The following PKD1L3 variants were observed in gnomAD, a reference collection of about 807,000 sequenced individuals.
PKD1L3 encodes polycystin 1 like 3, transient receptor potential channel interacting, also known as polycystin-1-like protein 3.
In PKD1L3, 239 loss-of-function variants were observed where a neutral mutation model predicts 184.1. That is an observed-to-expected ratio of 1.30 (90% confidence interval 1.17 to 1.45). The LOEUF (loss-of-function observed/expected upper bound fraction) is 1.45, where lower values mean the gene tolerates loss of function less well. PKD1L3 is among the 40% of genes most tolerant of loss of function. The probability of loss-of-function intolerance (pLI) is 0.00; values close to 1 mark genes in which losing one functional copy is unlikely to be tolerated. For synonymous variants in PKD1L3, 996 were observed against 778.8 expected, an observed-to-expected ratio of 1.28 and a Z score of -4.64; for missense variants, 2,660 against 2,067.2, an observed-to-expected ratio of 1.29 and a Z score of -5.56.
chr16:71,993,130 T>G, intron 3 of PKD1L3, 86 bp downstream of exon 3: 1 of 946,716 alleles, frequency 1.1e-6, no homozygotes, highest in Non-Finnish European at 1.6e-6. Context: ...TTATAACACA[T>G]TTCAGCATTA....
chr16:71,960,251 C>A (rs932953520), intron 16 of PKD1L3, among the ~76,000 whole-genome samples: 26 of 149,700 alleles, frequency 1.7e-4, no homozygotes, highest in Non-Finnish European at 4.4e-5. Flanking sequence ...TGGATTATAA[C>A]AAATAATGCA....
intron 4 of PKD1L3, among the ~76,000 whole-genome samples, chr16:71,987,107 T>C (rs1187843311): frequency 1.3e-5 from 2 of 150,748 alleles, no homozygotes; most frequent in East Asian, 3.9e-4. Flanking sequence ...GTATTTTTAG[T>C]AGAGATGGGG....
intron 24 of PKD1L3, among the ~76,000 whole-genome samples, chr16:71,937,985 G>A (rs780489670): frequency 1.2e-4 from 19 of 152,188 alleles, no homozygotes; most frequent in Non-Finnish European, 1.9e-4. Context: ...AGGCATGGCC[G>A]GGGCTTTGTG....
At chr16:71,991,791 G>C (rs1364981728) in intron 3 of PKD1L3, among the ~76,000 whole-genome samples, 1 of 152,118 alleles carries the variant, frequency 6.6e-6, no homozygotes, top group African/African-American at 2.4e-5. Flanking sequence ...AAGTAACCTA[G>C]ATACACACTG....
In PKD1L3 at chr16:71,965,984, C is replaced by T. The variant is rs562194822; in HGVS notation, c.2465+1153G>A. Among the ~76,000 whole-genome samples the T allele has an allele frequency of 3.3e-5, 5 of 151,972 alleles. No homozygotes were observed. In the East Asian group the frequency reaches 7.7e-4, roughly 23 times the overall value. On this transcript the variant is annotated intron_variant, in intron 15 of 29. Coordinates refer to ENST00000620267, the MANE Select transcript of PKD1L3 (RefSeq NM_181536.2). Reference sequence around the variant, plus strand: ...ACATTATTCACTTTTTTAAATAAAACTGGAAGGATGGTTTACAAGCTGATT... The same window carrying T: ...ACATTATTCACTTTTTTAAATAAAATTGGAAGGATGGTTTACAAGCTGATT...
At chr16:71,977,893 G>C (rs187812273) in intron 10 of PKD1L3, among the ~76,000 whole-genome samples, 4 of 152,222 alleles carry the variant, frequency 2.6e-5, no homozygotes, top group African/African-American at 9.6e-5. Context: ...TCCTGCCTCA[G>C]CCTCCAGAGT....
At chr16:71,940,503 T>A (rs565271618) in intron 24 of PKD1L3, among the ~76,000 whole-genome samples, 124 of 152,192 alleles carry the variant, frequency 8.1e-4, no homozygotes, top group Middle Eastern at 3.4e-3. Context: ...TTTTTTATTT[T>A]TTTTTTATTT....
At chr16:71,981,562 T>A (rs986849600) in intron 7 of PKD1L3, among the ~76,000 whole-genome samples, 27 of 94,608 alleles carry the variant, frequency 2.9e-4, no homozygotes, top group South Asian at 2.5e-3. Context: ...TTTTTTTTTT[T>A]ATGGAATCTC....
At position 71,952,997 on chromosome 16, in the gene PKD1L3, G is replaced by T; in HGVS notation, c.2906C>A (p.Pro969Gln). ...CAGAGTCTCCTGTGGCTCAATCAAC[G>T]GGAAGAGCCGCCCTATGACAAGATT... The part of the protein sequence containing the change: ...PINLVIGRLF[P>Q]LIEPQETLPL... Residue 969 changes from proline (P) to glutamine (Q), a missense_variant, in exon 18 of 30, where the codon CCG (proline) becomes CAG (glutamine). Transcript: ENST00000620267. 6.5e-7 allele frequency: 1 copy of T among 1,549,292 alleles called. No homozygotes were observed. Among genetic ancestry groups the T allele is most frequent in the East Asian group, 2.5e-5 (1 of 40,716 alleles).
In PKD1L3 at chr16:71,963,228, T is replaced by C. The variant is rs370297540; in HGVS notation, c.2589A>G (p.Ser863=). The C allele has an allele frequency of 3.2e-6, 5 of 1,550,402 alleles. No homozygotes were observed. The highest frequency in any genetic ancestry group is 4.4e-6 in the Non-Finnish European group (5 of 1,146,470). The change falls in exon 16 of 30, where the codon TCA becomes TCG. Residue 863 remains serine, a synonymous_variant. Coordinates refer to ENST00000620267, the MANE Select transcript of PKD1L3 (RefSeq NM_181536.2). ...CELDRVFIPV[S]KRELFSFRHL... ...ACCTAAAGGAAAAGAGCTCTCTCTT[T>C]GAAACTGGGATGAAGACCCGGTCAA...
intron 4 of PKD1L3, 97 bp downstream of exon 4, chr16:71,990,183 T>G (rs1328089168): frequency 4.6e-6 from 5 of 1,082,736 alleles, no homozygotes; most frequent in African/African-American, 3.3e-5. Context: ...GAAAACTATA[T>G]TCAGAACACT....
Position 71,999,721 on chromosome 16 carries a change from T to A in PKD1L3, c.258A>T (p.Val86=), listed in dbSNP as rs1349206950. The part of the protein sequence containing the change: ...EGKKWWIGQN[V]MPLKKHQDNK... ...TGTCTTGATGCTTTTTCAATGGCAT[T>A]ACATTTTGCCCAATCCACCACTTCT... The change falls in exon 1 of 30, where the codon GTA becomes GTT. Residue 86 remains valine (V), a synonymous_variant. Coordinates refer to ENST00000620267, the MANE Select transcript of PKD1L3 (RefSeq NM_181536.2). 1 of 1,550,622 alleles carries A rather than the reference T, an allele frequency of 6.4e-7. No homozygotes were observed. The highest frequency in any genetic ancestry group is 1.4e-5 in the African/African-American group (1 of 72,802).
intron 5 of PKD1L3, 149 bp from the exon 6 acceptor site, chr16:71,984,316 G>A: frequency 1.4e-6 from 1 of 710,334 alleles, no homozygotes; most frequent in Non-Finnish European, 2.2e-6. Flanking sequence ...ACTTTCAGAA[G>A]CTTTTCTGCG....
intron 21 of PKD1L3, 129 bp downstream of exon 21, chr16:71,949,654 G>A: frequency 2.3e-6 from 2 of 857,386 alleles, no homozygotes; most frequent in Non-Finnish European, 3.6e-6. Context: ...CACCCAGCCT[G>A]GTTTGCCTAT....
At chr16:71,958,124 A>C (rs551554124) in intron 16 of PKD1L3, among the ~76,000 whole-genome samples, 18 of 152,338 alleles carry the variant, frequency 1.2e-4, no homozygotes, top group African/African-American at 3.8e-4. Flanking sequence ...GCGGTGGCTC[A>C]CGCCTGTAAT....
At chr16:71,960,836 C>G (rs1258091081) in intron 16 of PKD1L3, among the ~76,000 whole-genome samples, 1 of 152,088 alleles carries the variant, frequency 6.6e-6, no homozygotes, top group East Asian at 1.9e-4. Context: ...GGTGGGAGGA[C>G]TGCTTGAGCC....
In PKD1L3 at chr16:71,942,873, A is replaced by G. The variant is rs753502115; in HGVS notation, c.4011T>C (p.His1337=). The G allele has an allele frequency of 9.5e-5, 147 of 1,551,558 alleles. No individual in the cohort carries two copies. Among genetic ancestry groups the G allele is most frequent in the Non-Finnish European group, 1.2e-4 (143 of 1,146,964 alleles). ...LLQDFYPWAN[H]ILLPSLYGDY... is the part of the protein sequence containing the mutation. ...CCCCATACAGGCTAGGAAGAAGGATATGATTGGCCCAGGGGTAGAAATCCT... is the reference window on the plus strand; with the variant it reads ...CCCCATACAGGCTAGGAAGAAGGATGTGATTGGCCCAGGGGTAGAAATCCT... Residue 1337 remains histidine, a synonymous_variant, in exon 24 of 30, where the codon CAT becomes CAC. Transcript: ENST00000620267.
At chr16:71,950,482 T>C (rs1194356809) in intron 19 of PKD1L3, among the ~76,000 whole-genome samples, 172 bp from the exon 20 acceptor site, 1 of 152,202 alleles carries the variant, frequency 6.6e-6, no homozygotes, top group East Asian at 1.9e-4. Context: ...AGGATGCTGG[T>C]GAATTTTTAA....
chr16:71,934,077 G>T lies in PKD1L3; in HGVS notation c.4662C>A (p.His1554Gln), dbSNP rs1161606910. ...EAVKVNSAAT[H>Q]LVGFPVLLAT... ...CCAGGAGAACCGGGAAGCCCACAAG[G>T]TGAGTCGCAGCAGAGTTCACTTTTA... Residue 1554 changes from histidine to glutamine, a missense_variant, in exon 27 of 30, where the codon CAC (histidine) becomes CAA (glutamine). Transcript: ENST00000620267. The T allele has an allele frequency of 1.3e-6, 2 of 1,551,950 alleles. No individual in the cohort carries two copies. Among genetic ancestry groups the T allele is most frequent in the Non-Finnish European group, 8.7e-7 (1 of 1,147,068 alleles).
Sources: allele counts gnomAD v4.1 joint callset (sites outside exome capture counted in the v4.1 genomes callset), GRCh38; gene constraint gnomAD v4.1.1; transcripts MANE v1.5; gene names NCBI Gene and HGNC (gene_info 2026-07-23, HGNC 2026-07-21).